POLR1E: variants seen among roughly 807,000 people sequenced by gnomAD.
POLR1E encodes DNA-directed RNA polymerase I subunit RPA49.
In POLR1E, 37 loss-of-function variants were observed where a neutral mutation model predicts 50.9. That is an observed-to-expected ratio of 0.73 (90% CI 0.56 to 0.96). The LOEUF (loss-of-function observed/expected upper bound fraction) is 0.96. POLR1E is among the 40% of genes least tolerant of loss of function. The pLI is 0.00. For synonymous variants in POLR1E, 166 were observed against 191.6 expected (o/e 0.87, Z 1.10); for missense variants, 426 against 518.1 (o/e 0.82, Z 1.73).
intron 9 of POLR1E, among the ~76,000 whole-genome samples, chr9:37,499,839 T>C (rs898040026): frequency 4.0e-5 from 6 of 150,778 alleles, no homozygotes; most frequent in Non-Finnish European, 7.4e-5. Context: ...AGCTTGTATT[T>C]GCTTAGTTCT....
At position 37,503,231 on chromosome 9, in the gene POLR1E, G is replaced by A. The variant is rs759452060; in HGVS notation, c.*29G>A. On this transcript the variant is annotated 3_prime_UTR_variant, in exon 12 of 12. Coordinates refer to ENST00000377798, the MANE Select transcript of POLR1E (RefSeq NM_022490.4). The stretch of plus-strand genomic sequence containing the variant: ...CATGCTTTCCAGACAGGGCGTTTTG[G>A]CTGCATCACAGCCACTGGCTGGTCC... 1 of 1,572,538 alleles carries A rather than the reference G, an allele frequency of 6.4e-7. No individual in the cohort carries two copies. Among genetic ancestry groups the A allele is most frequent in the Admixed American group, 1.9e-5 (1 of 53,046 alleles).
intron 10 of POLR1E, 81 bp downstream of exon 10, chr9:37,501,002 C>A: frequency 7.6e-7 from 1 of 1,320,324 alleles, no homozygotes; most frequent in Non-Finnish European, 1.1e-6. Flanking sequence ...GGCTTGGACT[C>A]AATTCCATGT....
At chr9:37,489,825 C>T (rs1420187631) in intron 4 of POLR1E, among the ~76,000 whole-genome samples, 1 of 152,218 alleles carries the variant, frequency 6.6e-6, no homozygotes, top group South Asian at 2.1e-4. Flanking sequence ...CCACCTGCCT[C>T]GGCCTCCCAA....
chr9:37,486,098 C>T lies in POLR1E; in HGVS notation c.51C>T (p.Pro17=). The change falls in exon 1 of 12, where the codon CCC becomes CCT. Residue 17 remains proline (P), a synonymous_variant. Coordinates refer to ENST00000377798, the MANE Select transcript of POLR1E (RefSeq NM_022490.4). ...PSARWQYCGA[P]DGSQRAVLVQ... is the part of the protein sequence containing the mutation. ...CGAGGTGGCAGTATTGTGGGGCGCC[C>T]GACGGGAGCCAGAGAGCTGTACTGG... 3.1e-6 allele frequency: 5 copies of T among 1,601,420 alleles called. No homozygotes were observed. The South Asian group carries it at 4.5e-5, about 14-fold the overall frequency.
chr9:37,488,659 A>G (rs1820621310), intron 3 of POLR1E, among the ~76,000 whole-genome samples: 1 of 151,916 alleles, frequency 6.6e-6, no homozygotes, highest in Non-Finnish European at 1.5e-5. Context: ...CCTCCATAAA[A>G]CTGTTGTGCC....
At position 37,495,225 on chromosome 9, in the gene POLR1E, C is replaced by G; in HGVS notation, c.604C>G (p.Pro202Ala). The G allele has an allele frequency of 1.9e-6, 3 of 1,614,176 alleles. No homozygotes were observed. The highest frequency in any genetic ancestry group is 2.5e-6 in the Non-Finnish European group (3 of 1,180,026). ...DLQDDSLYLP[P>A]CYDDAAKPED... The stretch of plus-strand genomic sequence containing the variant: ...GCAAGATGACTCCCTCTACCTTCCT[C>G]CCTGCTATGATGATGCAGCCAAGCC... The change falls in exon 7 of 12, where the codon CCC becomes GCC. Residue 202 changes from proline (P) to alanine (A), a missense_variant. By Grantham distance (27) the Pro-to-Ala change is conservative. Transcript: ENST00000377798.
chr9:37,491,313 C>T (rs1186409352), intron 4 of POLR1E, among the ~76,000 whole-genome samples: 1 of 152,144 alleles, frequency 6.6e-6, no homozygotes, highest in Non-Finnish European at 1.5e-5. Context: ...CTGCCTGATA[C>T]CTCAGAGGCA....
chr9:37,488,676 TGTA>T (rs1820621572), intron 3 of POLR1E, among the ~76,000 whole-genome samples: 1 of 152,168 alleles, frequency 6.6e-6, no homozygotes, highest in South Asian at 2.1e-4. Flanking sequence ...TGCCATAAAT[TGTA>T]GTGTAATTCT....
rs1448559257 is a variant in POLR1E, at chr9:37,486,044, C to G, written c.-4C>G. 1 of 1,598,706 alleles carries G rather than the reference C, an allele frequency of 6.3e-7. No individual in the cohort carries two copies. Among genetic ancestry groups the G allele is most frequent in the Admixed American group, 1.8e-5 (1 of 56,454 alleles). Reference sequence around the variant, plus strand: ...CTCCTGTGCTTGGCGGACAGACAGGCGAGATGGCGGCGGAGGTGTTGCCGA... The same window carrying G: ...CTCCTGTGCTTGGCGGACAGACAGGGGAGATGGCGGCGGAGGTGTTGCCGA... On this transcript the variant is annotated 5_prime_UTR_variant, in exon 1 of 12. Coordinates refer to ENST00000377798, the MANE Select transcript of POLR1E (RefSeq NM_022490.4).
chr9:37,499,450 C>A (rs1326845734), intron 9 of POLR1E, among the ~76,000 whole-genome samples: 1 of 152,154 alleles, frequency 6.6e-6, no homozygotes, highest in African/African-American at 2.4e-5. Flanking sequence ...ACATATGTGG[C>A]CTGTCATTGA....
At chr9:37,502,354 G>A (rs1374817919) in intron 11 of POLR1E, among the ~76,000 whole-genome samples, 1 of 152,208 alleles carries the variant, frequency 6.6e-6, no homozygotes, top group East Asian at 1.9e-4. Context: ...CAGGGGAACC[G>A]CTGGTTCCAA....
chr9:37,495,907 T>C lies in POLR1E; in HGVS notation c.673T>C (p.Tyr225His). 6.2e-7 allele frequency: 1 copy of C among 1,613,414 alleles called. No homozygotes were observed. The highest frequency in any genetic ancestry group is 8.5e-7 in the Non-Finnish European group (1 of 1,179,398). ...GTAACTAGTTCTTTCCCCTGCGGAG[T>C]ATGAAGCTCTTCAGAGCCCATCTGA... ...KFEDLLSPAE[Y>H]EALQSPSEAF... is the part of the protein sequence containing the mutation. Residue 225 changes from tyrosine (Y) to histidine (H), a missense_variant, in exon 8 of 12, where the codon TAT (tyrosine) becomes CAT (histidine). Transcript: ENST00000377798.
In POLR1E at chr9:37,503,149, C is replaced by G. The variant is rs1292137674; in HGVS notation, c.1207C>G (p.Leu403Val). Residue 403 changes from leucine (L) to valine (V), a missense_variant, in exon 12 of 12, where the codon CTG becomes GTG. By Grantham distance (32) the Leu-to-Val change is conservative. Transcript: ENST00000377798. ...DHKLGTLSLPLPPAQTSDRLA... is the reference protein window; with the variant it reads ...DHKLGTLSLPVPPAQTSDRLA... ...CAAGCTGGGCACCCTGTCCCTCCCGCTGCCTCCAGCCCAGACCTCAGACCG... is the reference window on the plus strand; with the variant it reads ...CAAGCTGGGCACCCTGTCCCTCCCGGTGCCTCCAGCCCAGACCTCAGACCG... The G allele has an allele frequency of 1.9e-6, 3 of 1,613,650 alleles. No individual in the cohort carries two copies. Among genetic ancestry groups the G allele is most frequent in the African/African-American group, 2.7e-5 (2 of 74,916 alleles).
chr9:37,501,693 T>C lies in POLR1E; in HGVS notation c.969-20T>C, dbSNP rs531127557. ...TGAGAGTTTAATTTTGTTTCTCCTT[T>C]ATTGCCACTGATTTTCTAGATTACG... On this transcript the variant is annotated intron_variant, in intron 10 of 11. Transcript: ENST00000377798. The C allele has an allele frequency of 3.7e-6, 6 of 1,605,930 alleles. No individual in the cohort carries two copies. In the South Asian group the frequency reaches 5.6e-5, roughly 15 times the overall value.
chr9:37,497,162 C>T (rs191522125), intron 8 of POLR1E, among the ~76,000 whole-genome samples: 7 of 152,280 alleles, frequency 4.6e-5, no homozygotes, highest in South Asian at 2.1e-4. Flanking sequence ...TCAAGACCAG[C>T]GTGACCAACA....
chr9:37,503,179 G>A lies in POLR1E; in HGVS notation c.1237G>A (p.Ala413Thr), dbSNP rs757370363. The stretch of plus-strand genomic sequence containing the variant: ...TCCAGCCCAGACCTCAGACCGCCTG[G>A]CAAAGCGGAGGAAGATTACCTAGAC... ...LPPAQTSDRLAKRRKIT is the reference protein window; with the variant it reads ...LPPAQTSDRLTKRRKIT Residue 413 changes from alanine to threonine, a missense_variant, in exon 12 of 12, where the codon GCA becomes ACA. Ala to Thr is a moderately conservative substitution (Grantham distance 58). Coordinates refer to ENST00000377798, the MANE Select transcript of POLR1E (RefSeq NM_022490.4). The A allele has an allele frequency of 2.2e-5, 36 of 1,610,258 alleles. No individual in the cohort carries two copies. The highest frequency in any genetic ancestry group is 4.4e-5 in the South Asian group (4 of 90,722).
chr9:37,500,157 TTTGTTTTG>T (rs1383141479), intron 9 of POLR1E, among the ~76,000 whole-genome samples: 5 of 2,410 alleles, frequency 2.1e-3, no homozygotes, highest in African/African-American at 4.9e-3. Flanking sequence ...CCAGTTGTTT[TTTGTTTTG>T]TTTTGTTTTG....
chr9:37,502,304 A>G (rs955851025), intron 11 of POLR1E, among the ~76,000 whole-genome samples: 1 of 152,242 alleles, frequency 6.6e-6, no homozygotes, highest in Admixed American at 6.5e-5. Flanking sequence ...ATTTGAGCTT[A>G]GTAAGAAGAG....
chr9:37,487,518 C>T (rs1222272429), intron 2 of POLR1E, among the ~76,000 whole-genome samples: 1 of 152,162 alleles, frequency 6.6e-6, no homozygotes, highest in East Asian at 1.9e-4. Flanking sequence ...AAAGAACAGG[C>T]CAAAGAGAGA....
Sources: allele counts gnomAD v4.1 joint callset (sites outside exome capture counted in the v4.1 genomes callset), GRCh38; gene constraint gnomAD v4.1.1; transcripts MANE v1.5; gene names NCBI Gene and HGNC (gene_info 2026-07-23, HGNC 2026-07-21).